PLXNB2: variants seen among roughly 807,000 people sequenced by gnomAD.
PLXNB2 encodes the protein plexin-B2.
Under a neutral mutation model 202.6 loss-of-function variants are expected in PLXNB2, and 85 were observed. That is an observed-to-expected ratio of 0.42 (90% CI 0.35 to 0.50). The LOEUF is 0.50. Among genes scored for constraint, PLXNB2 ranks in the 20% least tolerant of loss-of-function variants. The pLI, the probability that PLXNB2 is intolerant of heterozygous loss-of-function variation, is 0.02. For missense variants in PLXNB2, 2,063 were observed against 2,586.2 expected (o/e 0.80, Z 4.39); for synonymous variants, 1,239 against 1,137.6 (o/e 1.09, Z -1.79).
intron 1 of PLXNB2, among the ~76,000 whole-genome samples, chr22:50,301,627 C>G (rs1316892065): frequency 6.6e-6 from 1 of 152,204 alleles, no homozygotes; most frequent in Non-Finnish European, 1.5e-5. Flanking sequence ...CAGCTCAACC[C>G]CGCAGCAGCC....
In PLXNB2 at chr22:50,284,994, C is replaced by A; in HGVS notation, c.2089-329G>T. On this transcript the variant is annotated intron_variant, in intron 11 of 36. Transcript: ENST00000359337. This position sits in a 1 kb window ranked among gnomAD's most constrained non-coding sequence, Gnocchi z 8.0. ...GAGGTGGCACTGGCCCCTCAATCTCCACACGCCTGCCTCCTCCACTGCCTC... is the reference window on the plus strand; with the variant it reads ...GAGGTGGCACTGGCCCCTCAATCTCAACACGCCTGCCTCCTCCACTGCCTC... 2.1e-6 allele frequency: 1 copy of A among 469,150 alleles called. No homozygotes were observed. The highest frequency in any genetic ancestry group is 1.8e-5 in the South Asian group (1 of 56,784). The allele number at this position is 469,150 out of a possible 1,614,324, so 29.1% of individuals were successfully genotyped here.
intron 27 of PLXNB2, 56 bp downstream of exon 27, chr22:50,279,574 A>G: frequency 6.4e-7 from 1 of 1,567,980 alleles, no homozygotes; most frequent in Non-Finnish European, 8.7e-7. Flanking sequence ...GGGGATGCCC[A>G]AGCTCCTTAG....
At position 50,276,527 on chromosome 22, in the gene PLXNB2, C is replaced by A. The variant is rs993518314; in HGVS notation, c.5337+102G>T. 3.9e-6 allele frequency: 4 copies of A among 1,030,724 alleles called. No homozygotes were observed. In the Admixed American group the frequency reaches 6.9e-5, roughly 18 times the overall value. The allele number at this position is 1,030,724 out of a possible 1,614,324, so 63.8% of individuals were successfully genotyped here. ...GAGGTCCCGCCCCACCCTCTCTCCC[C>A]CTCAGCACCACATTACCCCTGCCCT... On this transcript the variant is annotated intron_variant, in intron 35 of 36. Transcript: ENST00000359337.
Position 50,281,943 on chromosome 22 carries a change from C to A in PLXNB2, c.3256G>T (p.Ala1086Ser). The A allele has an allele frequency of 6.2e-7, 1 of 1,613,154 alleles. No homozygotes were observed. The highest frequency in any genetic ancestry group is 8.5e-7 in the Non-Finnish European group (1 of 1,180,008). Reference protein sequence around the residue: ...DGHRALLRTEAGAFEYVPDPT... With the variant: ...DGHRALLRTESGAFEYVPDPT... ...TCAGGCACGTACTCGAAGGCCCCGG[C>A]CTCTGTTCTGAGCAGGGCACGGTGC... The change falls in exon 20 of 37, where the codon GCC (alanine) becomes TCC (serine). Residue 1086 changes from alanine to serine, a missense_variant. Ala to Ser is a moderately conservative substitution (Grantham distance 99, BLOSUM62 1). Around this residue, in one of 2 missense-constraint regions of PLXNB2, gnomAD observed 760 missense variants for 1,109.4 expected, o/e 0.69. Coordinates refer to ENST00000359337, the MANE Select transcript of PLXNB2 (RefSeq NM_012401.4).
chr22:50,275,614 G>T lies in PLXNB2; in HGVS notation c.*90C>A. The T allele has an allele frequency of 1.1e-6, 1 of 888,540 alleles. No homozygotes were observed. Among genetic ancestry groups the T allele is most frequent in the Non-Finnish European group, 1.8e-6 (1 of 568,824 alleles). 55.0% of individuals were successfully genotyped at this position (888,540 alleles called of 1,614,324 possible). On this transcript the variant is annotated 3_prime_UTR_variant, in exon 37 of 37. Transcript: ENST00000359337. Reference sequence around the variant, plus strand: ...GGGCGCGTTCCAGGGGAGGGTGGGGGCCTCAGCCACAGCCACTCGGCCTCC... The same window carrying T: ...GGGCGCGTTCCAGGGGAGGGTGGGGTCCTCAGCCACAGCCACTCGGCCTCC...
At chr22:50,282,348 CA>C in intron 18 of PLXNB2, 35 bp from the exon 19 acceptor site, 1 of 1,564,048 alleles carries the variant, frequency 6.4e-7, no homozygotes, top group African/African-American at 1.4e-5. Flanking sequence ...GCTCGGCTGG[CA>C]GGGGTGGTCC....
Position 50,283,356 on chromosome 22 carries a change from T to A in PLXNB2, c.2660A>T (p.Asn887Ile). Reference protein sequence around the residue: ...VFGKLGRSPPNVQFTFQQPKP... With the variant: ...VFGKLGRSPPIVQFTFQQPKP... ...GCTTACTTGGAAGGTGAACTGGACA[T>A]TGGGAGGCGAACGGCCCAGTTTCCC... The change falls in exon 16 of 37, where the codon AAT becomes ATT. Residue 887 changes from asparagine (N) to isoleucine (I), a missense_variant. Physicochemically the swap from Asn to Ile is moderately radical, Grantham distance 149. Coordinates refer to ENST00000359337, the MANE Select transcript of PLXNB2 (RefSeq NM_012401.4). The A allele has an allele frequency of 1.2e-6, 2 of 1,613,066 alleles. No individual in the cohort carries two copies.
chr22:50,297,727 G>A lies in PLXNB2; in HGVS notation c.-73-2949C>T, dbSNP rs1469641246. The stretch of plus-strand genomic sequence containing the variant: ...CAGGGACCTCGAGGCCTGAAGTCCA[G>A]AGCCAGACCAGTGAGTTCACACCCC... On this transcript the variant is annotated intron_variant, in intron 1 of 36. Coordinates refer to ENST00000359337, the MANE Select transcript of PLXNB2 (RefSeq NM_012401.4). The surrounding 1 kb of genome is among the most constrained non-coding windows in gnomAD (Gnocchi z 5.3). Among the ~76,000 whole-genome samples, 1 of 152,196 alleles carries A rather than the reference G, an allele frequency of 6.6e-6. No homozygotes were observed.
In PLXNB2 at chr22:50,283,720, C is replaced by T. The variant is rs562878563; in HGVS notation, c.2452G>A (p.Gly818Ser). The change falls in exon 15 of 37, where the codon GGC becomes AGC. Residue 818 changes from glycine to serine, a missense_variant. Physicochemically the swap from Gly to Ser is moderately conservative, Grantham distance 56 (BLOSUM62 0). This residue lies in a region of PLXNB2 where 1,303 missense variants were observed against 1,476.8 expected (regional missense o/e 0.88). Transcript: ENST00000359337. ...GACCCCAGGATGGTGATGCGGATGC[C>T]CCCACCCAGGGGGCCCGTCTCAGGC... ...IQPETGPLGGGIRITILGSNL... is the reference protein window; with the variant it reads ...IQPETGPLGGSIRITILGSNL... 3 of 1,613,118 alleles carry T rather than the reference C, an allele frequency of 1.9e-6. No individual in the cohort carries two copies. Among genetic ancestry groups the T allele is most frequent in the African/African-American group, 1.3e-5 (1 of 75,002 alleles).
chr22:50,278,333 G>T, intron 30 of PLXNB2, 62 bp from the exon 31 acceptor site: 1 of 1,587,212 alleles, frequency 6.3e-7, no homozygotes, highest in Non-Finnish European at 8.6e-7. Context: ...CCCACAGGGA[G>T]CAGTGGTGGC....
intron 36 of PLXNB2, 36 bp downstream of exon 36, chr22:50,275,853 C>T (rs771653017): frequency 5.6e-6 from 9 of 1,608,182 alleles, no homozygotes; most frequent in Middle Eastern, 1.7e-4. Context: ...CCGCCCAGCA[C>T]CCCACCTGCC....
intron 18 of PLXNB2, 72 bp downstream of exon 18, chr22:50,282,638 AC>A: frequency 9.4e-7 from 1 of 1,062,064 alleles, no homozygotes; most frequent in Non-Finnish European, 1.3e-6. Context: ...TCCTTTCAGC[AC>A]AGTCAGCCAA....
At chr22:50,299,778 AGCCCGGGAGGCGGGG>A (rs2067553988) in intron 1 of PLXNB2, among the ~76,000 whole-genome samples, 1 of 152,088 alleles carries the variant, frequency 6.6e-6, no homozygotes, top group Non-Finnish European at 1.5e-5. Flanking sequence ...GTCAGAGTTC[AGCCCGGGAGGCGGGG>A]GGCGGTGTCT....
At chr22:50,283,535 G>A in intron 15 of PLXNB2, 67 bp downstream of exon 15, 2 of 855,486 alleles carry the variant, frequency 2.3e-6, no homozygotes, top group Non-Finnish European at 1.7e-6. Flanking sequence ...CACCCACCCA[G>A]TCACCCGGAA....
chr22:50,285,935 G>A (rs978211446), intron 10 of PLXNB2, 34 bp from the exon 11 acceptor site: 2 of 1,602,388 alleles, frequency 1.2e-6, no homozygotes, highest in Non-Finnish European at 1.7e-6. Flanking sequence ...TGCTGCCTGG[G>A]CACAGCGGAG....
intron 7 of PLXNB2, 54 bp from the exon 8 acceptor site, chr22:50,287,318 C>T: frequency 6.9e-7 from 1 of 1,450,190 alleles, no homozygotes; most frequent in Non-Finnish European, 9.1e-7. Flanking sequence ...TGTCAGCCCA[C>T]CTGCCGGTGA....
chr22:50,305,999 G>A (rs752074983), intron 1 of PLXNB2, among the ~76,000 whole-genome samples: 2 of 152,198 alleles, frequency 1.3e-5, no homozygotes, highest in African/African-American at 2.4e-5. Context: ...AGAGCTGCCC[G>A]GACTTGCCCG....
intron 1 of PLXNB2, among the ~76,000 whole-genome samples, chr22:50,299,910 C>T (rs1460528248): frequency 6.6e-6 from 1 of 152,148 alleles, no homozygotes; most frequent in South Asian, 2.1e-4. Context: ...GGTGGCACAG[C>T]CCCTCCCCCG....
rs1287131979 is a variant in PLXNB2, at chr22:50,289,218, G to A, written c.1069-76C>T. 9.9e-6 allele frequency: 13 copies of A among 1,312,190 alleles called. No individual in the cohort carries two copies. The highest frequency in any genetic ancestry group is 1.9e-4 in the Middle Eastern group (1 of 5,254). The allele number at this position is 1,312,190 out of a possible 1,614,324, so 81.3% of individuals were successfully genotyped here. A position where few individuals can be genotyped will look rare whatever the true frequency, so the allele number is the denominator to read the frequency against. On this transcript the variant is annotated intron_variant, in intron 3 of 36. Coordinates refer to ENST00000359337, the MANE Select transcript of PLXNB2 (RefSeq NM_012401.4). The surrounding 1 kb of genome is among the most constrained non-coding windows in gnomAD (Gnocchi z 8.0). ...CCTCTCCACTCGCGCTCCAAGACTC[G>A]GGACAGGCCCTTCCCTTCCCTCCGG... is the stretch of plus-strand genomic sequence containing the variant.
Sources: gnomAD v4.1 joint callset for allele counts (sites outside exome capture counted in the v4.1 genomes callset) on GRCh38, gnomAD v4.1.1 for gene constraint, gnomAD v4.1.1 regional missense constraint, Gnocchi (gnomAD v3.1) non-coding constraint, MANE v1.5 for transcripts, NCBI Gene and HGNC (gene_info 2026-07-23, HGNC 2026-07-21) for gene names.